Variants in ARK2C observed in about 807,000 individuals in gnomAD.
ARK2C encodes the protein E3 ubiquitin-protein ligase ARK2C.
chr18:46,348,898 TTCTGTGTGTGTGTGTGTGTG>T, the ARK2C span, among the ~76,000 whole-genome samples: 3 of 123,162 alleles, frequency 2.4e-5, no homozygotes, highest in African/African-American at 9.2e-5. Context: ...CTCTCTCTCT[TTCTGTGTGTGTGTGTGTGTG>T]TGTGTGTGTG....
the ARK2C span, among the ~76,000 whole-genome samples, chr18:46,430,920 T>A: frequency 2.6e-5 from 4 of 152,212 alleles, no homozygotes; most frequent in African/African-American, 7.2e-5. Context: ...ATTCTTTAAT[T>A]TCTGGGATAC....
the ARK2C span, among the ~76,000 whole-genome samples, chr18:46,365,233 C>T: frequency 6.6e-6 from 1 of 152,160 alleles, no homozygotes; most frequent in Admixed American, 6.5e-5. Flanking sequence ...TAAGCTCAGA[C>T]CTTGAGGCTC....
chr18:46,364,094 G>A, the ARK2C span, among the ~76,000 whole-genome samples: 1 of 151,390 alleles, frequency 6.6e-6, no homozygotes, highest in Admixed American at 6.6e-5. Flanking sequence ...ATTATAGGCA[G>A]GGACCACCAT....
At chr18:46,389,585 G>A in the ARK2C span, among the ~76,000 whole-genome samples, 1 of 152,144 alleles carries the variant, frequency 6.6e-6, no homozygotes, top group Admixed American at 6.5e-5. Context: ...GGATTATTAC[G>A]CTTTCCCCAG....
At chr18:46,355,712 T>C in the ARK2C span, among the ~76,000 whole-genome samples, 1 of 148,474 alleles carries the variant, frequency 6.7e-6, no homozygotes, top group Non-Finnish European at 1.5e-5. Flanking sequence ...CTGCCTGGCT[T>C]CCTGGCAGAG....
the ARK2C span, among the ~76,000 whole-genome samples, chr18:46,349,597 C>A: frequency 6.6e-6 from 1 of 152,210 alleles, no homozygotes; most frequent in Non-Finnish European, 1.5e-5. Flanking sequence ...TTTTTGCTGG[C>A]CAGCCAGGGG....
the ARK2C span, among the ~76,000 whole-genome samples, chr18:46,345,483 G>A: frequency 1.3e-5 from 2 of 152,188 alleles, no homozygotes; most frequent in African/African-American, 4.8e-5. Flanking sequence ...TTCTCAGCTG[G>A]TGTCTCTCAG....
the ARK2C span, among the ~76,000 whole-genome samples, chr18:46,391,758 A>G: frequency 6.6e-6 from 1 of 151,960 alleles, no homozygotes; most frequent in African/African-American, 2.4e-5. Flanking sequence ...CCACAAACAC[A>G]CACACGCACA....
At chr18:46,370,689 A>G in the ARK2C span, among the ~76,000 whole-genome samples, 1 of 152,188 alleles carries the variant, frequency 6.6e-6, no homozygotes, top group Non-Finnish European at 1.5e-5. Flanking sequence ...AAGGAATAGA[A>G]TAAGATACCA....
chr18:46,414,032 A>G, the ARK2C span, among the ~76,000 whole-genome samples: 1 of 152,196 alleles, frequency 6.6e-6, no homozygotes, highest in Admixed American at 6.5e-5. Context: ...ACCAGGCCTC[A>G]TTTGTGTAGG....
the ARK2C span, among the ~76,000 whole-genome samples, chr18:46,403,346 C>T: frequency 7.9e-5 from 12 of 152,314 alleles, no homozygotes; most frequent in Non-Finnish European, 1.6e-4. Context: ...CTGTGCTGTG[C>T]TCCTAGAGAA....
At chr18:46,417,831 C>G in the ARK2C span, among the ~76,000 whole-genome samples, 1 of 151,958 alleles carries the variant, frequency 6.6e-6, no homozygotes, top group Admixed American at 6.6e-5. Context: ...TGGTGAAACC[C>G]CGTCTCTACT....
At chr18:46,428,766 A>C in the ARK2C span, among the ~76,000 whole-genome samples, 1 of 152,250 alleles carries the variant, frequency 6.6e-6, no homozygotes, top group Non-Finnish European at 1.5e-5. Context: ...GATATGATGA[A>C]TTACAGAAAC....
At chr18:46,342,999 T>C in the ARK2C span, among the ~76,000 whole-genome samples, 2 of 152,242 alleles carry the variant, frequency 1.3e-5, no homozygotes, top group Non-Finnish European at 2.9e-5. Context: ...TCTGCTATGC[T>C]GTTTTCACAA....
chr18:46,408,218 G>A, the ARK2C span, among the ~76,000 whole-genome samples: 4 of 152,314 alleles, frequency 2.6e-5, no homozygotes, highest in Admixed American at 2.0e-4. Flanking sequence ...CTGTGATGGA[G>A]GCTACTGATT....
the ARK2C span, among the ~76,000 whole-genome samples, chr18:46,452,937 C>T: frequency 6.6e-6 from 1 of 152,190 alleles, no homozygotes; most frequent in Non-Finnish European, 1.5e-5. Context: ...GGAATGATCT[C>T]ATTAGTAGCT....
chr18:46,442,368 A>C, the ARK2C span, among the ~76,000 whole-genome samples: 1 of 152,134 alleles, frequency 6.6e-6, no homozygotes, highest in Admixed American at 6.5e-5. Context: ...TTTTTCTTTA[A>C]GGACTACAAA....
the ARK2C span, among the ~76,000 whole-genome samples, chr18:46,437,382 G>T: frequency 6.6e-6 from 1 of 152,128 alleles, no homozygotes; most frequent in Admixed American, 6.5e-5. Context: ...AGGCAGCCTG[G>T]TAATTGGATG....
chr18:46,421,088 T>A, the ARK2C span, among the ~76,000 whole-genome samples: 1 of 152,196 alleles, frequency 6.6e-6, no homozygotes, highest in African/African-American at 2.4e-5. Context: ...CTTCTGTTAG[T>A]TGATTGTGAT....
Sources: allele counts gnomAD v4.1 joint callset (sites outside exome capture counted in the v4.1 genomes callset), GRCh38; gene constraint gnomAD v4.1.1; transcripts MANE v1.5; gene names NCBI Gene and HGNC (gene_info 2026-07-23, HGNC 2026-07-21).